The following TSPYL6 variants were observed in gnomAD, a reference collection of about 807,000 sequenced individuals.
TSPYL6 encodes the protein testis-specific Y-encoded-like protein 6.
For synonymous variants in TSPYL6, 259 were observed against 214.8 expected (o/e 1.21, Z -1.80); for missense variants, 699 against 531.5 (o/e 1.32, Z -3.10).
chr2:54,255,433 T>C lies in TSPYL6; in HGVS notation c.719A>G (p.Gln240Arg). The C allele has an allele frequency of 6.2e-7, 1 of 1,614,060 alleles. No individual in the cohort carries two copies. Among genetic ancestry groups the C allele is most frequent in the Non-Finnish European group, 8.5e-7 (1 of 1,180,000 alleles). Residue 240 changes from glutamine to arginine, a missense_variant, in exon 1 of 1, where the codon CAG (glutamine) becomes CGG (arginine). Transcript: ENST00000317802. ...GATATTGCGAATGATGTCATTCCTC[T>C]GCTCCAGGTAGTATTCATGAATCTG... ...FGQIHEYYLEQRNDIIRNIPG... is the reference protein window; with the variant it reads ...FGQIHEYYLERRNDIIRNIPG...
rs948697888 is a variant in TSPYL6 at position 54,255,016 on chromosome 2, T to C, written c.1136A>G (p.Gln379Arg). Residue 379 changes from glutamine to arginine, a missense_variant, in exon 1 of 1, where the codon CAG (glutamine) becomes CGG (arginine). Coordinates refer to ENST00000317802, the MANE Select transcript of TSPYL6 (RefSeq NM_001003937.3). The part of the protein sequence containing the change: ...IKEDLWSNPL[Q>R]YYLLGEDAHR... ...GGCGTCTTCACCCAACAGGTAGTAC[T>C]GCAGTGGATTTGACCAGAGGTCCTC... 4 of 1,614,062 alleles carry C rather than the reference T, an allele frequency of 2.5e-6. No individual in the cohort carries two copies. Among genetic ancestry groups the C allele is most frequent in the Non-Finnish European group, 3.4e-6 (4 of 1,180,040 alleles).
At position 54,255,395 on chromosome 2, in the gene TSPYL6, C is replaced by T. The variant is rs562154632; in HGVS notation, c.757G>A (p.Val253Ile). 1 of 1,614,076 alleles carries T rather than the reference C, an allele frequency of 6.2e-7. No homozygotes were observed. Among genetic ancestry groups the T allele is most frequent in the Non-Finnish European group, 8.5e-7 (1 of 1,180,016 alleles). ...DIIRNIPGFW[V>I]TAFRHHPQLS... ...TGTGGGTGGTGGCGGAAAGCAGTGA[C>T]CCAGAAGCCCGGGATATTGCGAATG... The change falls in exon 1 of 1, where the codon GTC (valine) becomes ATC (isoleucine). Residue 253 changes from valine to isoleucine, a missense_variant. Physicochemically the swap from Val to Ile is conservative, Grantham distance 29. Transcript: ENST00000317802.
Position 54,255,579 on chromosome 2 carries a change from G to C in TSPYL6, c.573C>G (p.Pro191=). ...GACCCACGTTCAGGGGCCCGGGCCC[G>C]GGCCCAGGCCCTGCCTCCCTGTTTA... The part of the protein sequence containing the change: ...DEVNREAGPG[P]GPGPLNVGLH... Residue 191 remains proline, a synonymous_variant, in exon 1 of 1, where the codon CCC becomes CCG. Transcript: ENST00000317802. 1 of 1,497,994 alleles carries C rather than the reference G, an allele frequency of 6.7e-7. No individual in the cohort carries two copies. The highest frequency in any genetic ancestry group is 1.1e-5 in the South Asian group (1 of 87,124). The allele number at this position is 1,497,994 out of a possible 1,614,324, so 92.8% of individuals were successfully genotyped here.
chr2:54,255,072 T>C lies in TSPYL6; in HGVS notation c.1080A>G (p.Pro360=), dbSNP rs797016154. 17 of 1,614,162 alleles carry C rather than the reference T, an allele frequency of 1.1e-5. 1 individual carries two copies. The African/African-American group carries it at 1.5e-4, about 14-fold the overall frequency. The change falls in exon 1 of 1, where the codon CCA becomes CCG. Residue 360 remains proline, a synonymous_variant. Transcript: ENST00000317802. ...TAATCTGAGCAATCCTGTCGGACTC[T>C]GGAAGGCTGTGGTCTGAAAACCAGG... ...FFTWFSDHSL[P]ESDRIAQIIK... is the part of the protein sequence containing the mutation.
At position 54,254,622 on chromosome 2, in the gene TSPYL6, C is replaced by G. The variant is rs924541264; in HGVS notation, c.*297G>C. The G allele has an allele frequency of 1.0e-5, 3 of 299,424 alleles. No individual in the cohort carries two copies. Among genetic ancestry groups the G allele is most frequent in the African/African-American group, 6.5e-5 (3 of 46,384 alleles). The allele number at this position is 299,424 out of a possible 1,614,324, so 18.5% of individuals were successfully genotyped here. ...CAGAGGTCCTGGGAACAAACCGAGTCCAAACAAAGGTAAATACAGTGTAAC... is the reference window on the plus strand; with the variant it reads ...CAGAGGTCCTGGGAACAAACCGAGTGCAAACAAAGGTAAATACAGTGTAAC... On this transcript the variant is annotated 3_prime_UTR_variant, in exon 1 of 1. Transcript: ENST00000317802.
chr2:54,253,843 C>T lies in TSPYL6; in HGVS notation c.*1076G>A, dbSNP rs1198682542. ...GAAAGGAGAATGGGCAATAAGAGGT[C>T]TGGCAGTCTATTTTACAGAACAGCC... On this transcript the variant is annotated 3_prime_UTR_variant, in exon 1 of 1. Coordinates refer to ENST00000317802, the MANE Select transcript of TSPYL6 (RefSeq NM_001003937.3). The T allele has an allele frequency of 6.6e-6, 1 of 152,246 alleles. No homozygotes were observed. The highest frequency in any genetic ancestry group is 1.5e-5 in the Non-Finnish European group (1 of 68,068). 9.4% of individuals were successfully genotyped at this position (152,246 alleles called of 1,614,324 possible). A position where few individuals can be genotyped will look rare whatever the true frequency, so the allele number is the denominator to read the frequency against.
Position 54,255,247 on chromosome 2 carries a change from G to C in TSPYL6, c.905C>G (p.Pro302Arg), listed in dbSNP as rs1687439359. The C allele has an allele frequency of 1.2e-6, 2 of 1,614,188 alleles. No individual in the cohort carries two copies. The highest frequency in any genetic ancestry group is 1.7e-6 in the Non-Finnish European group (2 of 1,180,032). ...TACAATCAGCTTGTTTCTGAAGTAA[G>C]GGTTTCTTTGAAAGAAGAACTTAAA... ...CKFKFFFQRN[P>R]YFRNKLIVKV... Residue 302 changes from proline to arginine, a missense_variant, in exon 1 of 1, where the codon CCT becomes CGT. Coordinates refer to ENST00000317802, the MANE Select transcript of TSPYL6 (RefSeq NM_001003937.3).
In TSPYL6 at chr2:54,255,202, G is replaced by C. The variant is rs1211081526; in HGVS notation, c.950C>G (p.Ser317Cys). Reference protein sequence around the residue: ...KLIVKVYEVRSFGQVVSFSTL... With the variant: ...KLIVKVYEVRCFGQVVSFSTL... ...GGAAAAAGACACCACTTGGCCGAAG[G>C]ATCTGACCTCATACACCTTTACAAT... The change falls in exon 1 of 1, where the codon TCC (serine) becomes TGC (cysteine). Residue 317 changes from serine (S) to cysteine (C), a missense_variant. Transcript: ENST00000317802. 1 of 1,614,084 alleles carries C rather than the reference G, an allele frequency of 6.2e-7. No individual in the cohort carries two copies. The highest frequency in any genetic ancestry group is 8.5e-7 in the Non-Finnish European group (1 of 1,180,038).
rs755366945 is a variant in TSPYL6 at position 54,255,338 on chromosome 2, C to T, written c.814G>A (p.Glu272Lys). 3 of 1,614,172 alleles carry T rather than the reference C, an allele frequency of 1.9e-6. No homozygotes were observed. Among genetic ancestry groups the T allele is most frequent in the Non-Finnish European group, 2.5e-6 (3 of 1,180,036 alleles). Residue 272 changes from glutamate to lysine, a missense_variant, in exon 1 of 1, where the codon GAG becomes AAG. By Grantham distance (56) the Glu-to-Lys change is moderately conservative. Coordinates refer to ENST00000317802, the MANE Select transcript of TSPYL6 (RefSeq NM_001003937.3). ...AAATTGGTTAAGTAGCTTAACATCT[C>T]GGCATCTTGGCCTCTAATCATGGCA... ...LSAMIRGQDAEMLSYLTNLEV... is the reference protein window; with the variant it reads ...LSAMIRGQDAKMLSYLTNLEV...
rs1687316417 is a variant in TSPYL6 at position 54,253,195 on chromosome 2, G to GT, written c.*1723dup. 1 of 152,052 alleles carries GT rather than the reference G, an allele frequency of 6.6e-6. No homozygotes were observed. The highest frequency in any genetic ancestry group is 1.5e-5 in the Non-Finnish European group (1 of 68,008). The allele number at this position is 152,052 out of a possible 1,614,324, so 9.4% of individuals were successfully genotyped here. On this transcript the variant is annotated 3_prime_UTR_variant, in exon 1 of 1. Transcript: ENST00000317802. ...CAATGAAAGCCATAAATATTTTGTA[G>GT]TTTATTTACCCATGAACACAATAGT...
In TSPYL6 at chr2:54,255,038, C is replaced by G; in HGVS notation, c.1114G>C (p.Asp372His). The G allele has an allele frequency of 6.2e-7, 1 of 1,614,118 alleles. No homozygotes were observed. The highest frequency in any genetic ancestry group is 2.2e-5 in the East Asian group (1 of 44,872). The change falls in exon 1 of 1, where the codon GAC becomes CAC. Residue 372 changes from aspartate to histidine, a missense_variant. By Grantham distance (81) the Asp-to-His change is moderately conservative. Coordinates refer to ENST00000317802, the MANE Select transcript of TSPYL6 (RefSeq NM_001003937.3). ...SDRIAQIIKE[D>H]LWSNPLQYYL... ...TACTGCAGTGGATTTGACCAGAGGT[C>G]CTCTTTAATAATCTGAGCAATCCTG...
chr2:54,255,772 T>G lies in TSPYL6; in HGVS notation c.380A>C (p.Lys127Thr). 6.2e-7 allele frequency: 1 copy of G among 1,613,902 alleles called. No homozygotes were observed. Among genetic ancestry groups the G allele is most frequent in the South Asian group, 1.1e-5 (1 of 91,084 alleles). The change falls in exon 1 of 1, where the codon AAG becomes ACG. Residue 127 changes from lysine to threonine, a missense_variant. Transcript: ENST00000317802. Reference protein sequence around the residue: ...GEETHGLGGEKALETCGAGRS... With the variant: ...GEETHGLGGETALETCGAGRS... ...CCCTGCCCCACAGGTTTCTAGAGCC[T>G]TCTCCCCACCTAGGCCGTGCGTCTC...
Position 54,256,001 on chromosome 2 carries a change from G to C in TSPYL6, c.151C>G (p.Pro51Ala). 3 of 1,614,168 alleles carry C rather than the reference G, an allele frequency of 1.9e-6. No homozygotes were observed. Among genetic ancestry groups the C allele is most frequent in the Non-Finnish European group, 2.5e-6 (3 of 1,180,028 alleles). ...DGRLEPIVFP[P>A]PRLPEEGVAP... The stretch of plus-strand genomic sequence containing the variant: ...ACCCCCTCCTCTGGAAGCCGGGGCG[G>C]TGGGAACACGATTGGCTCCAAGCGG... Residue 51 changes from proline (P) to alanine (A), a missense_variant, in exon 1 of 1, where the codon CCG (proline) becomes GCG (alanine). Physicochemically the swap from Pro to Ala is conservative, Grantham distance 27. Transcript: ENST00000317802.
chr2:54,255,970 G>A lies in TSPYL6; in HGVS notation c.182C>T (p.Pro61Leu), dbSNP rs1465311180. Reference protein sequence around the residue: ...PPRLPEEGVAPQDPADGGHTF... With the variant: ...PPRLPEEGVALQDPADGGHTF... ...ATGGCCACCATCTGCGGGATCCTGG[G>A]GCGCGACCCCCTCCTCTGGAAGCCG... The change falls in exon 1 of 1, where the codon CCC becomes CTC. Residue 61 changes from proline to leucine, a missense_variant. Physicochemically the swap from Pro to Leu is moderately conservative, Grantham distance 98. Coordinates refer to ENST00000317802, the MANE Select transcript of TSPYL6 (RefSeq NM_001003937.3). The A allele has an allele frequency of 6.2e-7, 1 of 1,614,118 alleles. No homozygotes were observed. Among genetic ancestry groups the A allele is most frequent in the Non-Finnish European group, 8.5e-7 (1 of 1,180,028 alleles).
Position 54,254,978 on chromosome 2 carries a change from G to C in TSPYL6, c.1174C>G (p.Arg392Gly). Residue 392 changes from arginine to glycine, a missense_variant, in exon 1 of 1, where the codon CGT becomes GGT. Arg to Gly is a moderately radical substitution (Grantham distance 125, BLOSUM62 -2). Coordinates refer to ENST00000317802, the MANE Select transcript of TSPYL6 (RefSeq NM_001003937.3). ...TCCACTGGCTCCCTTACCAGGCGACGTCTAGCTCTATGGGCGTCTTCACCC... is the reference window on the plus strand; with the variant it reads ...TCCACTGGCTCCCTTACCAGGCGACCTCTAGCTCTATGGGCGTCTTCACCC... ...LLGEDAHRAR[R>G]RLVREPVEIP... is the part of the protein sequence containing the mutation. 6.2e-7 allele frequency: 1 copy of C among 1,614,070 alleles called. No homozygotes were observed. The highest frequency in any genetic ancestry group is 8.5e-7 in the Non-Finnish European group (1 of 1,180,020).
rs777609052 is a variant in TSPYL6 at position 54,256,199 on chromosome 2, G to A, written c.-48C>T. On this transcript the variant is annotated 5_prime_UTR_variant, in exon 1 of 1. Transcript: ENST00000317802. ...GTGGGTAGAGGCCAGGCCAGAGGTA[G>A]GTAGCGTCAACGTTCCTCACACAAA... The A allele has an allele frequency of 2.5e-5, 38 of 1,548,878 alleles. No individual in the cohort carries two copies. The highest frequency in any genetic ancestry group is 5.0e-5 in the South Asian group (4 of 80,618).
In TSPYL6 at chr2:54,253,319, T is replaced by A. The variant is rs544793519; in HGVS notation, c.*1600A>T. 6.6e-6 allele frequency: 1 copy of A among 152,342 alleles called. No individual in the cohort carries two copies. The highest frequency in any genetic ancestry group is 2.1e-4 in the South Asian group (1 of 4,822). The allele number at this position is 152,342 out of a possible 1,614,324, so 9.4% of individuals were successfully genotyped here. ...AGAACAGGCTGAAAACTGCCATGAA[T>A]ATCCATATCCACATAATGTACAAAA... is the stretch of plus-strand genomic sequence containing the variant. On this transcript the variant is annotated 3_prime_UTR_variant, in exon 1 of 1. Transcript: ENST00000317802.
In TSPYL6 at chr2:54,255,766, A is replaced by G; in HGVS notation, c.386T>C (p.Leu129Pro). 6.2e-7 allele frequency: 1 copy of G among 1,613,814 alleles called. No individual in the cohort carries two copies. Among genetic ancestry groups the G allele is most frequent in the African/African-American group, 1.3e-5 (1 of 75,008 alleles). Residue 129 changes from leucine to proline, a missense_variant, in exon 1 of 1, where the codon CTA becomes CCA. Leu to Pro is a moderately conservative substitution (Grantham distance 98). Transcript: ENST00000317802. ...ETHGLGGEKA[L>P]ETCGAGRSES... is the part of the protein sequence containing the mutation. ...CGACCTCCCTGCCCCACAGGTTTCT[A>G]GAGCCTTCTCCCCACCTAGGCCGTG...
At position 54,255,872 on chromosome 2, in the gene TSPYL6, G is replaced by C. The variant is rs759425728; in HGVS notation, c.280C>G (p.Pro94Ala). Reference protein sequence around the residue: ...IKAGQEVTPPPAEGLEAASAS... With the variant: ...IKAGQEVTPPAAEGLEAASAS... Reference sequence around the variant, plus strand: ...GAGGCCGCTTCTAGGCCCTCCGCGGGTGGTGGAGTCACTTCCTGCCCCGCT... The same window carrying C: ...GAGGCCGCTTCTAGGCCCTCCGCGGCTGGTGGAGTCACTTCCTGCCCCGCT... Residue 94 changes from proline (P) to alanine (A), a missense_variant, in exon 1 of 1, where the codon CCC (proline) becomes GCC (alanine). Pro to Ala is a conservative substitution (Grantham distance 27, BLOSUM62 -1). Coordinates refer to ENST00000317802, the MANE Select transcript of TSPYL6 (RefSeq NM_001003937.3). 1 of 1,613,876 alleles carries C rather than the reference G, an allele frequency of 6.2e-7. No homozygotes were observed.
Sources: gnomAD v4.1 joint callset for allele counts on GRCh38, gnomAD v4.1.1 for gene constraint, MANE v1.5 for transcripts, NCBI Gene and HGNC (gene_info 2026-07-23, HGNC 2026-07-21) for gene names.